The following CENPC variants were observed in gnomAD, a reference collection of about 807,000 sequenced individuals.
The protein encoded by CENPC is centromere protein C, also known as CENP-C 1.
CENPC carries 63 observed loss-of-function variants against 112.1 expected under a neutral mutation model. The ratio of observed to expected loss-of-function variants is 0.56; its 90% CI spans 0.46 to 0.69. The LOEUF (loss-of-function observed/expected upper bound fraction) is 0.69. Among genes scored for constraint, CENPC ranks in the 30% least tolerant of loss-of-function variants. The pLI, the probability that CENPC is intolerant of heterozygous loss-of-function variation, is 0.00. For missense variants in CENPC, 1,000 were observed against 1,103.8 expected, an observed-to-expected ratio of 0.91 and a Z score of 1.33; for synonymous variants, 333 against 367.6, an observed-to-expected ratio of 0.91 and a Z score of 1.08.
At chr4:67,486,918 T>C (rs1365170802) in intron 17 of CENPC, among the ~76,000 whole-genome samples, 1 of 151,944 alleles carries the variant, frequency 6.6e-6, no homozygotes, top group East Asian at 1.9e-4. Flanking sequence ...TGTAAACTGG[T>C]AGTTAAATCT....
chr4:67,514,689 T>C lies in CENPC; in HGVS notation c.831-2A>G, dbSNP rs760477962. 3 of 1,600,492 alleles carry C rather than the reference T, an allele frequency of 1.9e-6. No homozygotes were observed. In the African/African-American group the frequency reaches 4.0e-5, roughly 21 times the overall value. On this transcript the variant is annotated splice_acceptor_variant, in intron 7 of 18. Transcript: ENST00000273853. LOFTEE classifies it high-confidence loss of function. ...GTTGCCGCATGCCTAACAATGGGACTGAAACAGGGTGATACTTTTAACAGT... is the reference window on the plus strand; with the variant it reads ...GTTGCCGCATGCCTAACAATGGGACCGAAACAGGGTGATACTTTTAACAGT...
chr4:67,519,428 T>G lies in CENPC; in HGVS notation c.406A>C (p.Ile136Leu), dbSNP rs138967637. 2.7e-5 allele frequency: 43 copies of G among 1,610,654 alleles called. No homozygotes were observed. The Admixed American group carries it at 4.0e-4, about 15-fold the overall frequency. ...SSKNTPDSKK[I>L]SSRNINDHHS... ...TGATCATTTATGTTTCTACTTGATA[T>G]TTTTTTCGAGTCAGGTGTATTTTTG... Residue 136 changes from isoleucine (I) to leucine (L), a missense_variant, in exon 6 of 19, where the codon ATA (isoleucine) becomes CTA (leucine). Transcript: ENST00000273853.
At chr4:67,490,437 A>G (rs1030950748) in intron 16 of CENPC, among the ~76,000 whole-genome samples, 6 of 152,196 alleles carry the variant, frequency 3.9e-5, no homozygotes, top group African/African-American at 1.4e-4. Flanking sequence ...TAATGTGTGT[A>G]AACTATTTAA....
chr4:67,529,508 T>A (rs1825790), intron 5 of CENPC, among the ~76,000 whole-genome samples: 33,959 of 151,750 alleles, frequency 0.22, 4,333 homozygotes, highest in Middle Eastern at 0.36. Flanking sequence ...GTATTTTTAG[T>A]AGAGATGGAG....
intron 2 of CENPC, 50 bp from the exon 3 acceptor site, chr4:67,541,100 A>G (rs758706616): frequency 8.5e-7 from 1 of 1,177,192 alleles, no homozygotes; most frequent in East Asian, 2.5e-5. Flanking sequence ...ATTTCTTTAT[A>G]TTACCATCTC....
chr4:67,478,456 T>G (rs1430655860), intron 17 of CENPC, among the ~76,000 whole-genome samples: 1 of 152,116 alleles, frequency 6.6e-6, no homozygotes, highest in African/African-American at 2.4e-5. Flanking sequence ...AAACTAAGCT[T>G]CATAAATGAA....
chr4:67,544,973 A>C (rs919264661), intron 1 of CENPC, among the ~76,000 whole-genome samples: 1 of 151,972 alleles, frequency 6.6e-6, no homozygotes, highest in Non-Finnish European at 1.5e-5. Context: ...TAGGAACTGG[A>C]GCTAGACTAA....
chr4:67,518,092 C>T, intron 7 of CENPC, 64 bp downstream of exon 7: 1 of 878,442 alleles, frequency 1.1e-6, no homozygotes, highest in Non-Finnish European at 1.7e-6. Flanking sequence ...ATTAGGAATC[C>T]TTATATATGG....
intron 17 of CENPC, among the ~76,000 whole-genome samples, chr4:67,476,048 T>G (rs977365551): frequency 1.2e-4 from 18 of 152,140 alleles, no homozygotes; most frequent in African/African-American, 4.3e-4. Context: ...GATGTCCCAG[T>G]GAAAAGCATT....
At chr4:67,492,581 C>T (rs1197769748) in intron 15 of CENPC, among the ~76,000 whole-genome samples, 2 of 152,096 alleles carry the variant, frequency 1.3e-5, no homozygotes, top group Non-Finnish European at 2.9e-5. Context: ...ATATAAAACA[C>T]TTTAGAAATG....
At chr4:67,507,630 G>A (rs1725773393) in intron 10 of CENPC, among the ~76,000 whole-genome samples, 1 of 152,042 alleles carries the variant, frequency 6.6e-6, no homozygotes, top group South Asian at 2.1e-4. Flanking sequence ...ATATAGAAAA[G>A]CTCAGGCACA....
chr4:67,521,908 T>G (rs1726239877), intron 5 of CENPC, among the ~76,000 whole-genome samples: 1 of 152,062 alleles, frequency 6.6e-6, no homozygotes, highest in Non-Finnish European at 1.5e-5. Context: ...CAGAAAAAAG[T>G]AGAATGGTGG....
chr4:67,530,968 A>G (rs905343529), intron 4 of CENPC, 54 bp from the exon 5 acceptor site: 1 of 857,402 alleles, frequency 1.2e-6, no homozygotes. Flanking sequence ...TACCAATTCA[A>G]TGAAATATAT....
chr4:67,483,765 C>CA (rs138655348), intron 17 of CENPC, among the ~76,000 whole-genome samples: 1 of 149,964 alleles, frequency 6.7e-6, no homozygotes, highest in African/African-American at 2.5e-5. Context: ...TACTTTTTAA[C>CA]AAAAAAGTTT....
rs562811240 is a variant in CENPC, at chr4:67,519,118, T to C, written c.617+99A>G. On this transcript the variant is annotated intron_variant, in intron 6 of 18. Transcript: ENST00000273853. ...CTCATAACATGTTAATATTCCTCCT[T>C]CCTTAGTGTAAAATAATATAACAAG... 2.1e-4 allele frequency: 173 copies of C among 825,530 alleles called. 1 individual carries two copies. The African/African-American group carries it at 2.6e-3, about 13-fold the overall frequency. 51.1% of individuals were successfully genotyped at this position (825,530 alleles called of 1,614,324 possible).
intron 7 of CENPC, among the ~76,000 whole-genome samples, chr4:67,515,645 T>C (rs1052519556): frequency 3.3e-5 from 5 of 151,980 alleles, no homozygotes; most frequent in Admixed American, 6.5e-5. Context: ...TATAAAATAA[T>C]AAATGTTGTT....
chr4:67,480,774 T>C (rs1724935807), intron 17 of CENPC, among the ~76,000 whole-genome samples: 1 of 152,026 alleles, frequency 6.6e-6, no homozygotes, highest in African/African-American at 2.4e-5. Context: ...CTCAGCAAAA[T>C]CGGCATAGAA....
At chr4:67,521,992 C>T (rs1031662329) in intron 5 of CENPC, among the ~76,000 whole-genome samples, 23 of 152,068 alleles carry the variant, frequency 1.5e-4, no homozygotes, top group Non-Finnish European at 7.4e-5. Flanking sequence ...GAAAGAAGTT[C>T]TATGGATTCA....
intron 5 of CENPC, among the ~76,000 whole-genome samples, chr4:67,525,763 C>A (rs1198257050): frequency 1.3e-5 from 2 of 152,166 alleles, no homozygotes; most frequent in Non-Finnish European, 2.9e-5. Context: ...GACAGTGTGG[C>A]AATGCCTCAA....
Sources: gnomAD v4.1 joint callset for allele counts (sites outside exome capture counted in the v4.1 genomes callset) on GRCh38, gnomAD v4.1.1 for gene constraint, MANE v1.5 for transcripts, NCBI Gene and HGNC (gene_info 2026-07-23, HGNC 2026-07-21) for gene names.